Variants in OTUD3 observed in about 807,000 individuals in gnomAD.
OTUD3 encodes the protein OTU domain-containing protein 3.
OTUD3 carries 24 observed loss-of-function variants against 46.2 expected under a neutral mutation model. The ratio of observed to expected loss-of-function variants is 0.52; its 90% CI spans 0.38 to 0.73. The LOEUF is 0.73. Among genes scored for constraint, OTUD3 ranks in the 30% least tolerant of loss-of-function variants. The probability of loss-of-function intolerance (pLI) is 0.00; values close to 1 mark genes in which losing one functional copy is unlikely to be tolerated. For synonymous variants in OTUD3, 189 were observed against 195.4 expected (o/e 0.97, Z 0.27); for missense variants, 455 against 523.3 (o/e 0.87, Z 1.27).
chr1:19,885,323 A>G (rs2045342244), intron 1 of OTUD3, among the ~76,000 whole-genome samples: 1 of 152,168 alleles, frequency 6.6e-6, no homozygotes, highest in Non-Finnish European at 1.5e-5. Flanking sequence ...AGTTCTTCAC[A>G]TGAGTTCCAT....
chr1:19,900,308 A>T (rs111779114), intron 4 of OTUD3, among the ~76,000 whole-genome samples: 157 of 151,992 alleles, frequency 1.0e-3, no homozygotes, highest in African/African-American at 3.6e-3. Context: ...GGCTCAAGCG[A>T]TCCTCCTGAG....
At chr1:19,906,701 T>C (rs2045666536) in intron 7 of OTUD3, 85 bp downstream of exon 7, 5 of 1,212,490 alleles carry the variant, frequency 4.1e-6, no homozygotes, top group Non-Finnish European at 5.7e-6. Context: ...ATTTTATTTG[T>C]ATTTTCCTTC....
At position 19,907,740 on chromosome 1, in the gene OTUD3, C is replaced by T. The variant is rs1186392522; in HGVS notation, c.1191C>T (p.Asn397=). The T allele has an allele frequency of 6.2e-7, 1 of 1,614,024 alleles. No individual in the cohort carries two copies. The highest frequency in any genetic ancestry group is 8.5e-7 in the Non-Finnish European group (1 of 1,179,880). The change falls in exon 8 of 8, where the codon AAC becomes AAT. Residue 397 remains asparagine (N), a synonymous_variant. Coordinates refer to ENST00000375120, the MANE Select transcript of OTUD3 (RefSeq NM_015207.2). ...TGGTGAAGACCTTCGCCGCTCTCAA[C>T]ATCTGACTCTTTGGCCTCTTGGGAG... ...VTLVKTFAAL[N]I
intron 1 of OTUD3, among the ~76,000 whole-genome samples, chr1:19,884,158 A>G (rs2045321853): frequency 6.6e-6 from 1 of 152,218 alleles, no homozygotes; most frequent in South Asian, 2.1e-4. Flanking sequence ...AATTGAATAC[A>G]GTGGAATTGG....
chr1:19,883,120 C>G (rs2045297381), intron 1 of OTUD3, among the ~76,000 whole-genome samples: 1 of 152,172 alleles, frequency 6.6e-6, no homozygotes, highest in South Asian at 2.1e-4. Flanking sequence ...ACGATAAGAC[C>G]AGTTGAAGGA....
At position 19,909,153 on chromosome 1, in the gene OTUD3, T is replaced by A. The variant is rs1202626672; in HGVS notation, c.*1407T>A. The A allele has an allele frequency of 6.6e-6, 1 of 152,348 alleles. No individual in the cohort carries two copies. Among genetic ancestry groups the A allele is most frequent in the Non-Finnish European group, 1.5e-5 (1 of 68,036 alleles). The allele number at this position is 152,348 out of a possible 1,614,324, so 9.4% of individuals were successfully genotyped here. A position where few individuals can be genotyped will look rare whatever the true frequency, so the allele number is the denominator to read the frequency against. ...AGTTATCTTCCCCACCCCTCGCATT[T>A]CAGAATTATAAAAATTCGGAGGCAA... On this transcript the variant is annotated 3_prime_UTR_variant, in exon 8 of 8. Coordinates refer to ENST00000375120, the MANE Select transcript of OTUD3 (RefSeq NM_015207.2).
chr1:19,890,366 C>T lies in OTUD3; in HGVS notation c.222-19C>T, dbSNP rs773646156. ...AGTTCATTTTTGAAAGGTCTTGACT[C>T]GTGTTGTTGTTTTGACAGCAATTGC... is the stretch of plus-strand genomic sequence containing the variant. On this transcript the variant is annotated intron_variant, in intron 1 of 7. Coordinates refer to ENST00000375120, the MANE Select transcript of OTUD3 (RefSeq NM_015207.2). 5 of 1,612,254 alleles carry T rather than the reference C, an allele frequency of 3.1e-6. No homozygotes were observed. The highest frequency in any genetic ancestry group is 2.2e-5 in the East Asian group (1 of 44,874).
intron 2 of OTUD3, among the ~76,000 whole-genome samples, chr1:19,893,537 T>C (rs752722136): frequency 6.6e-6 from 1 of 152,148 alleles, no homozygotes; most frequent in Admixed American, 6.5e-5. Context: ...GGTTTTTGTT[T>C]TGTTTTGTTT....
Position 19,904,368 on chromosome 1 carries a change from C to T in OTUD3, c.708C>T (p.Val236=). ...TGAGAGATGAAGTAGAGGATGCTGT[C>T]CAGAAAGTTTGTAATGCAACTGGAT... ...DDLRDEVEDA[V]QKVCNATGCS... is the part of the protein sequence containing the mutation. The change falls in exon 5 of 8, where the codon GTC becomes GTT. Residue 236 remains valine (V), a synonymous_variant. Transcript: ENST00000375120. 2.5e-6 allele frequency: 4 copies of T among 1,612,614 alleles called. No homozygotes were observed. Among genetic ancestry groups the T allele is most frequent in the Non-Finnish European group, 3.4e-6 (4 of 1,179,328 alleles).
chr1:19,899,601 C>T (rs6696751), intron 4 of OTUD3, among the ~76,000 whole-genome samples: 1 of 152,216 alleles, frequency 6.6e-6, no homozygotes, highest in Non-Finnish European at 1.5e-5. Flanking sequence ...TCATTTCACT[C>T]ATGTATCTGT....
At chr1:19,882,764 C>T (rs2045288891) in intron 1 of OTUD3, 30 bp downstream of exon 1, 7 of 1,276,096 alleles carry the variant, frequency 5.5e-6, no homozygotes, top group African/African-American at 1.6e-5. Context: ...AGGGAGGCGG[C>T]GCCGGGGGAC....
chr1:19,906,610 C>T lies in OTUD3; in HGVS notation c.1014C>T (p.Leu338=), dbSNP rs547590331. The change falls in exon 7 of 8, where the codon CTC becomes CTT. Residue 338 remains leucine (L), a synonymous_variant. Coordinates refer to ENST00000375120, the MANE Select transcript of OTUD3 (RefSeq NM_015207.2). ...SEENKANKNQ[L]AKVTNKQRRE... ...AAAACAAAGCAAATAAAAACCAGCT[C>T]GCAAAGGTATGTAAGATGGGGTTGA... The T allele has an allele frequency of 5.2e-5, 83 of 1,608,422 alleles. No homozygotes were observed. Among genetic ancestry groups the T allele is most frequent in the African/African-American group, 4.9e-4 (37 of 74,848 alleles).
chr1:19,886,000 G>C (rs1007408484), intron 1 of OTUD3, among the ~76,000 whole-genome samples: 20 of 152,292 alleles, frequency 1.3e-4, no homozygotes, highest in African/African-American at 4.6e-4. Context: ...CTTTACATGG[G>C]TTGAGTCAGC....
In OTUD3 at chr1:19,908,006, G is replaced by C. The variant is rs541018299; in HGVS notation, c.*260G>C. ...ATTAAAATACTGAGTTTTAGGGGCA[G>C]ATAGTTAGGTCAGGAAAAACCTTTT... On this transcript the variant is annotated 3_prime_UTR_variant, in exon 8 of 8. Transcript: ENST00000375120. 18 of 331,274 alleles carry C rather than the reference G, an allele frequency of 5.4e-5. No homozygotes were observed. Among genetic ancestry groups the C allele is most frequent in the Non-Finnish European group, 9.3e-5 (17 of 181,996 alleles). The allele number at this position is 331,274 out of a possible 1,614,324, so 20.5% of individuals were successfully genotyped here. A position where few individuals can be genotyped will look rare whatever the true frequency, so the allele number is the denominator to read the frequency against.
chr1:19,884,854 A>G lies in OTUD3; in HGVS notation c.221+2120A>G, dbSNP rs546077157. Among the ~76,000 whole-genome samples, 32 of 152,322 alleles carry G rather than the reference A, an allele frequency of 2.1e-4. No homozygotes were observed. The South Asian group carries it at 3.9e-3, about 19-fold the overall frequency. ...GAGAACAGATGATACAAATAATTAA[A>G]ATATAGTTTGATATATTTTTAGTAA... On this transcript the variant is annotated intron_variant, in intron 1 of 7. Transcript: ENST00000375120.
At chr1:19,889,742 A>G (rs965052039) in intron 1 of OTUD3, among the ~76,000 whole-genome samples, 18 of 152,198 alleles carry the variant, frequency 1.2e-4, no homozygotes, top group Admixed American at 1.2e-3. Context: ...TAACAATGGC[A>G]TTGTTGCTCC....
At chr1:19,884,916 A>C (rs2045335398) in intron 1 of OTUD3, among the ~76,000 whole-genome samples, 1 of 152,170 alleles carries the variant, frequency 6.6e-6, no homozygotes, top group Admixed American at 6.5e-5. Context: ...GAGAAGGAAA[A>C]GGCTACTACT....
At chr1:19,886,893 C>T (rs926821085) in intron 1 of OTUD3, among the ~76,000 whole-genome samples, 14 of 152,134 alleles carry the variant, frequency 9.2e-5, no homozygotes, top group African/African-American at 2.9e-4. Flanking sequence ...TGATCTAGAT[C>T]AGCGCTGTCC....
Position 19,907,804 on chromosome 1 carries a change from A to G in OTUD3, c.*58A>G. The G allele has an allele frequency of 6.5e-7, 1 of 1,527,574 alleles. No individual in the cohort carries two copies. Among genetic ancestry groups the G allele is most frequent in the Non-Finnish European group, 9.0e-7 (1 of 1,113,680 alleles). 94.6% of individuals were successfully genotyped at this position (1,527,574 alleles called of 1,614,324 possible). On this transcript the variant is annotated 3_prime_UTR_variant, in exon 8 of 8. Transcript: ENST00000375120. ...CTGGAAAAGGATTGCTGTGTGCTAG[A>G]CTTTCCAGTGAGGCCGTCCTTTTAT...
Sources: gnomAD v4.1 joint callset for allele counts (sites outside exome capture counted in the v4.1 genomes callset) on GRCh38, gnomAD v4.1.1 for gene constraint, MANE v1.5 for transcripts, NCBI Gene and HGNC (gene_info 2026-07-23, HGNC 2026-07-21) for gene names.